The following ANLN variants were observed in gnomAD, a reference collection of about 807,000 sequenced individuals.
ANLN encodes the protein anillin, actin binding protein.
A neutral mutation model predicts 135.1 loss-of-function variants in ANLN; 59 were observed. The observed-to-expected ratio is 0.44, with a 90% CI of 0.35 to 0.54. The LOEUF is 0.54. Ranked by LOEUF, ANLN falls within the 20% of genes least tolerant of loss-of-function variation. The pLI, the probability that ANLN is intolerant of heterozygous loss-of-function variation, is 0.00. For synonymous variants in ANLN, 406 were observed against 456.4 expected, an observed-to-expected ratio of 0.89 and a Z score of 1.41; for missense variants, 1,182 against 1,340.0, an observed-to-expected ratio of 0.88 and a Z score of 1.84.
chr7:36,427,851 C>G (rs770090239), intron 20 of ANLN, among the ~76,000 whole-genome samples: 1 of 151,978 alleles, frequency 6.6e-6, no homozygotes, highest in African/African-American at 2.4e-5. Context: ...TTCACCAAGA[C>G]TATTTTAAGG....
At chr7:36,416,661 A>G (rs1787654440) in intron 8 of ANLN, among the ~76,000 whole-genome samples, 1 of 152,142 alleles carries the variant, frequency 6.6e-6, no homozygotes, top group Non-Finnish European at 1.5e-5. Flanking sequence ...GTATGGTATG[A>G]TCACAAAACA....
Position 36,422,761 on chromosome 7 carries a change from C to G in ANLN, c.2428C>G (p.Arg810Gly), listed in dbSNP as rs144215679. 82 of 1,613,178 alleles carry G rather than the reference C, an allele frequency of 5.1e-5. 1 individual carries two copies. In the East Asian group the frequency reaches 1.8e-3, roughly 36 times the overall value. Residue 810 changes from arginine to glycine, a missense_variant, in exon 14 of 24, where the codon CGC becomes GGC. Coordinates refer to ENST00000265748, the MANE Select transcript of ANLN (RefSeq NM_018685.5). ...AGGATCAGTTACTTTGTCAGAAATC[C>G]GCTTGCCTCTAAAAGCAGATTTTGT... ...SKGSVTLSEI[R>G]LPLKADFVCS...
chr7:36,401,211 T>C (rs965292941), intron 3 of ANLN, among the ~76,000 whole-genome samples: 1 of 152,230 alleles, frequency 6.6e-6, no homozygotes, highest in Non-Finnish European at 1.5e-5. Context: ...ACTTTTATCT[T>C]CATTTTATAG....
intron 8 of ANLN, among the ~76,000 whole-genome samples, chr7:36,416,113 C>T (rs529644126): frequency 2.0e-5 from 3 of 152,230 alleles, no homozygotes; most frequent in East Asian, 3.9e-4. Context: ...CCTCACCTCC[C>T]GGGTTCAAAC....
chr7:36,432,187 G>A (rs920205848), intron 20 of ANLN, among the ~76,000 whole-genome samples: 29 of 152,114 alleles, frequency 1.9e-4, no homozygotes, highest in Non-Finnish European at 2.1e-4. Context: ...CTATGATCAC[G>A]CCACTGCACT....
Position 36,407,784 on chromosome 7 carries a change from T to C in ANLN, c.924T>C (p.Ser308=), listed in dbSNP as rs751508357. 4 of 1,613,832 alleles carry C rather than the reference T, an allele frequency of 2.5e-6. No homozygotes were observed. Among genetic ancestry groups the C allele is most frequent in the Non-Finnish European group, 2.5e-6 (3 of 1,179,826 alleles). The part of the protein sequence containing the change: ...KSTTSITDAK[S]CEGQNPELLP... The stretch of plus-strand genomic sequence containing the variant: ...CTACATCTATCACTGATGCTAAAAG[T>C]TGTGAGGGACAAAATCCTGAGCTAC... The change falls in exon 5 of 24, where the codon AGT becomes AGC. Residue 308 remains serine (S), a synonymous_variant. Coordinates refer to ENST00000265748, the MANE Select transcript of ANLN (RefSeq NM_018685.5).
chr7:36,393,549 G>A (rs189929820), intron 1 of ANLN, among the ~76,000 whole-genome samples: 16 of 152,282 alleles, frequency 1.1e-4, no homozygotes, highest in African/African-American at 7.2e-5. Flanking sequence ...CTGAACAAAC[G>A]TGCAGTTACA....
chr7:36,441,996 G>C (rs1285232340), intron 21 of ANLN, among the ~76,000 whole-genome samples: 1 of 152,160 alleles, frequency 6.6e-6, no homozygotes, highest in Non-Finnish European at 1.5e-5. Flanking sequence ...CATATGGTTG[G>C]AGCAAGCCAA....
intron 21 of ANLN, among the ~76,000 whole-genome samples, chr7:36,443,152 T>C (rs76484009): frequency 6.6e-6 from 1 of 152,314 alleles, no homozygotes; most frequent in African/African-American, 2.4e-5. Context: ...CTTTAGCATA[T>C]AGCTAGCATC....
chr7:36,395,528 A>AAAG (rs1160368916), intron 1 of ANLN, among the ~76,000 whole-genome samples: 1 of 152,224 alleles, frequency 6.6e-6, no homozygotes, highest in Non-Finnish European at 1.5e-5. Flanking sequence ...TCACATCAGT[A>AAAG]AAGTCTCTTT....
intron 20 of ANLN, among the ~76,000 whole-genome samples, chr7:36,435,197 A>T (rs1223222531): frequency 6.6e-6 from 1 of 152,168 alleles, no homozygotes; most frequent in African/African-American, 2.4e-5. Flanking sequence ...AAATGAATAC[A>T]CCTATATAAC....
At chr7:36,447,157 A>C (rs978720684) in intron 22 of ANLN, among the ~76,000 whole-genome samples, 2 of 152,200 alleles carry the variant, frequency 1.3e-5, no homozygotes, top group Non-Finnish European at 2.9e-5. Context: ...TTGCAGTTGG[A>C]GATGTGACAA....
At chr7:36,404,580 C>T (rs1787110036) in intron 3 of ANLN, among the ~76,000 whole-genome samples, 1 of 152,216 alleles carries the variant, frequency 6.6e-6, no homozygotes, top group Non-Finnish European at 1.5e-5. Context: ...TACCATAGAT[C>T]TTAGCAACCT....
rs775132084 is a variant in ANLN, at chr7:36,425,718, G to A, written c.2726G>A (p.Arg909Gln). Residue 909 changes from arginine to glutamine, a missense_variant, in exon 18 of 24, where the codon CGA becomes CAA. By Grantham distance (43) the Arg-to-Gln change is conservative. This residue lies in a region of ANLN where 1,022 missense variants were observed against 1,134.0 expected (regional missense o/e 0.90). Coordinates refer to ENST00000265748, the MANE Select transcript of ANLN (RefSeq NM_018685.5). ...TTCTTTTAGGCTATTACTCCAAAGC[G>A]ACTCCTCACATCTATAACCACAGTA... ...TSKSKAITPK[R>Q]LLTSITTKSN... 3.1e-6 allele frequency: 5 copies of A among 1,611,518 alleles called. No homozygotes were observed. The East Asian group carries it at 6.7e-5, about 22-fold the overall frequency.
intron 6 of ANLN, 47 bp from the exon 7 acceptor site, chr7:36,411,012 A>G: frequency 6.6e-7 from 1 of 1,513,864 alleles, no homozygotes; most frequent in Non-Finnish European, 8.9e-7. Flanking sequence ...TTGGATGTTA[A>G]ACATGCTACC....
At position 36,452,710 on chromosome 7, in the gene ANLN, G is replaced by C; in HGVS notation, c.*110G>C. The C allele has an allele frequency of 7.6e-7, 1 of 1,315,206 alleles. No individual in the cohort carries two copies. Among genetic ancestry groups the C allele is most frequent in the Non-Finnish European group, 1.1e-6 (1 of 945,534 alleles). 81.5% of individuals were successfully genotyped at this position (1,315,206 alleles called of 1,614,324 possible). On this transcript the variant is annotated 3_prime_UTR_variant, in exon 24 of 24. Coordinates refer to ENST00000265748, the MANE Select transcript of ANLN (RefSeq NM_018685.5). ...TTATGCTTTAAGTACGAAAGGGTTT[G>C]TGCCAATATTCACTACGTATTATGC...
At chr7:36,412,524 C>T (rs909592177) in intron 7 of ANLN, among the ~76,000 whole-genome samples, 4 of 151,876 alleles carry the variant, frequency 2.6e-5, no homozygotes, top group African/African-American at 9.7e-5. Context: ...GATGGAGTTT[C>T]TCCATGTTGG....
chr7:36,406,617 A>T, intron 4 of ANLN, 51 bp downstream of exon 4: 1 of 1,458,662 alleles, frequency 6.9e-7, no homozygotes, highest in Non-Finnish European at 9.0e-7. Context: ...TTTCGTTATG[A>T]GTGGTATAAT....
chr7:36,444,205 T>A (rs1479883330), intron 22 of ANLN, among the ~76,000 whole-genome samples: 2 of 151,696 alleles, frequency 1.3e-5, no homozygotes, highest in African/African-American at 4.8e-5. Context: ...CAGGAGAATC[T>A]CTTGGATCCA....
Sources: allele counts gnomAD v4.1 joint callset (sites outside exome capture counted in the v4.1 genomes callset), GRCh38; gene constraint gnomAD v4.1.1; regional missense constraint gnomAD v4.1.1; transcripts MANE v1.5; gene names NCBI Gene and HGNC (gene_info 2026-07-23, HGNC 2026-07-21).